PLIN4: variants seen among roughly 807,000 people sequenced by gnomAD.
PLIN4 encodes the protein perilipin 4, also known as perilipin-4.
In PLIN4, 57 loss-of-function variants were observed where a neutral mutation model predicts 52.4. The ratio of observed to expected loss-of-function variants is 1.09; its 90% confidence interval spans 0.88 to 1.36. The LOEUF is 1.36. Ranked by LOEUF, PLIN4 falls within the 40% of genes most tolerant of loss-of-function variation. The pLI, the probability that PLIN4 is intolerant of heterozygous loss-of-function variation, is 0.00. For missense variants in PLIN4, 1,757 were observed against 1,770.3 expected, an observed-to-expected ratio of 0.99 and a Z score of 0.13; for synonymous variants, 826 against 785.4, an observed-to-expected ratio of 1.05 and a Z score of -0.86.
Position 4,513,101 on chromosome 19 carries a change from G to A in PLIN4, c.859C>T (p.Gln287Ter). 12 of 689,448 alleles carry A rather than the reference G, an allele frequency of 1.7e-5. 1 individual carries two copies. The highest frequency in any genetic ancestry group is 3.1e-5 in the Non-Finnish European group (12 of 385,000). 42.7% of individuals were successfully genotyped at this position (689,448 alleles called of 1,614,324 possible). The change falls in exon 5 of 8, where the codon CAG (glutamine) becomes TAG (stop). Residue 287 changes from glutamine to a stop codon, truncating the protein, a stop_gained. Coordinates refer to ENST00000301286, the MANE Select transcript of PLIN4 (RefSeq NM_001367868.2). LOFTEE classifies it high-confidence loss of function. ...GAMNVAKGTI[Q>*]TGVDTSKTVL... ...GTCTTACTGGTGTCCACGCCGGTCT[G>A]GATGGTTCCTTTGGCCACATTCATG...
chr19:4,508,633 C>G, intron 6 of PLIN4, 135 bp downstream of exon 6: 1 of 1,033,604 alleles, frequency 9.7e-7, no homozygotes. Context: ...CCCATGAGTA[C>G]AGAGCCATGA....
rs200933783 is a variant in PLIN4, at chr19:4,504,959, G to A, written c.3703-12C>T. On this transcript the variant is annotated splice_polypyrimidine_tract_variant and intron_variant, in intron 6 of 7. Coordinates refer to ENST00000301286, the MANE Select transcript of PLIN4 (RefSeq NM_001367868.2). ...TGGGCCTTTTCAATCTGGAGAGAGA[G>A]TACAGTGGGGAAATGATGGCTTCTT... 6.3e-6 allele frequency: 10 copies of A among 1,593,098 alleles called. No individual in the cohort carries two copies. The East Asian group carries it at 2.0e-4, about 32-fold the overall frequency.
Position 4,510,781 on chromosome 19 carries a change from G to A in PLIN4, c.3179C>T (p.Pro1060Leu). The A allele has an allele frequency of 6.3e-7, 1 of 1,585,432 alleles. No individual in the cohort carries two copies. Residue 1060 changes from proline (P) to leucine (L), a missense_variant, in exon 5 of 8, where the codon CCC (proline) becomes CTC (leucine). Physicochemically the swap from Pro to Leu is moderately conservative, Grantham distance 98. Around this residue, in one of 7 missense-constraint regions of PLIN4, gnomAD observed 712 missense variants for 637.1 expected, o/e 1.12. Transcript: ENST00000301286. ...STFQNWLPST[P>L]ATSWGGLTSS... Reference sequence around the variant, plus strand: ...GGTGAGTCCACCCCAGGAGGTGGCGGGGGTACTAGGTAACCAGTTCTGGAA... The same window carrying A: ...GGTGAGTCCACCCCAGGAGGTGGCGAGGGTACTAGGTAACCAGTTCTGGAA...
chr19:4,517,754 G>C, intron 2 of PLIN4, 56 bp from the exon 3 acceptor site: 1 of 1,532,394 alleles, frequency 6.5e-7, no homozygotes, highest in Non-Finnish European at 8.8e-7. Flanking sequence ...GCAGGAACGG[G>C]TCAGAGGAAG....
At chr19:4,515,032 C>T (rs925226584) in intron 4 of PLIN4, among the ~76,000 whole-genome samples, 14 of 151,296 alleles carry the variant, frequency 9.3e-5, no homozygotes, top group Admixed American at 7.2e-4. Flanking sequence ...AAAAATTAGC[C>T]AGGCATGGTG....
chr19:4,513,425 C>A lies in PLIN4; in HGVS notation c.535G>T (p.Ala179Ser). The A allele has an allele frequency of 6.2e-7, 1 of 1,613,608 alleles. No homozygotes were observed. The highest frequency in any genetic ancestry group is 8.5e-7 in the Non-Finnish European group (1 of 1,179,888). Residue 179 changes from alanine (A) to serine (S), a missense_variant, in exon 5 of 8, where the codon GCA (alanine) becomes TCA (serine). Physicochemically the swap from Ala to Ser is moderately conservative, Grantham distance 99. Transcript: ENST00000301286. ...ACGGTCCCTTTGGCCACATTCACTGCCCCCGTGAGCCCAGTGGACACCGTG... is the reference window on the plus strand; with the variant it reads ...ACGGTCCCTTTGGCCACATTCACTGACCCCGTGAGCCCAGTGGACACCGTG... ...KDTVSTGLTG[A>S]VNVAKGTVQA...
chr19:4,502,881 T>G lies in PLIN4; in HGVS notation c.*1578A>C, dbSNP rs2145234375. 1 of 152,544 alleles carries G rather than the reference T, an allele frequency of 6.6e-6. No homozygotes were observed. The highest frequency in any genetic ancestry group is 1.9e-4 in the East Asian group (1 of 5,180). The allele number at this position is 152,544 out of a possible 1,614,324, so 9.4% of individuals were successfully genotyped here. On this transcript the variant is annotated 3_prime_UTR_variant, in exon 8 of 8. Transcript: ENST00000301286. ...GAGTTGCCTCCGTCCCAGTAAGAATTAGGCTGTGGTGTGGCGGGAAGGGAC... is the reference window on the plus strand; with the variant it reads ...GAGTTGCCTCCGTCCCAGTAAGAATGAGGCTGTGGTGTGGCGGGAAGGGAC...
At chr19:4,505,137 A>T (rs116341328) in intron 6 of PLIN4, among the ~76,000 whole-genome samples, 190 bp from the exon 7 acceptor site, 2,221 of 152,220 alleles carry the variant, frequency 0.015, 57 homozygotes, top group African/African-American at 0.051. Context: ...CTTCCCCATG[A>T]GGTCATCAGG....
chr19:4,508,630 G>A (rs1034322187), intron 6 of PLIN4, 138 bp downstream of exon 6: 63 of 1,013,904 alleles, frequency 6.2e-5, no homozygotes, highest in Admixed American at 2.0e-4. Context: ...AGCCCCATGA[G>A]TACAGAGCCA....
chr19:4,512,075 C>T lies in PLIN4; in HGVS notation c.1885G>A (p.Gly629Ser), dbSNP rs367749568. 7.6e-5 allele frequency: 123 copies of T among 1,611,080 alleles called. 1 individual carries two copies. Among genetic ancestry groups the T allele is most frequent in the Middle Eastern group, 1.6e-4 (1 of 6,066 alleles). The change falls in exon 5 of 8, where the codon GGT becomes AGT. Residue 629 changes from glycine (G) to serine (S), a missense_variant. Physicochemically the swap from Gly to Ser is moderately conservative, Grantham distance 56. This residue lies in a region of PLIN4 where 439 missense variants were observed against 406.4 expected (regional missense o/e 1.08). Coordinates refer to ENST00000301286, the MANE Select transcript of PLIN4 (RefSeq NM_001367868.2). Reference protein sequence around the residue: ...GMDTTKTVLTGTKDTIYSGVT... With the variant: ...GMDTTKTVLTSTKDTIYSGVT... ...CCACTGTAGATGGTGTCCTTGGTAC[C>T]GGTTAGGACAGTTTTGGTGGTGTCC...
chr19:4,504,899 C>A lies in PLIN4; in HGVS notation c.3751G>T (p.Gly1251Cys). 6.2e-7 allele frequency: 1 copy of A among 1,608,380 alleles called. No individual in the cohort carries two copies. Among genetic ancestry groups the A allele is most frequent in the Non-Finnish European group, 8.5e-7 (1 of 1,178,036 alleles). The change falls in exon 7 of 8, where the codon GGC becomes TGC. Residue 1251 changes from glycine to cysteine, a missense_variant. By Grantham distance (159) the Gly-to-Cys change is radical. This residue lies in a region of PLIN4 where 712 missense variants were observed against 637.1 expected (regional missense o/e 1.12). Coordinates refer to ENST00000301286, the MANE Select transcript of PLIN4 (RefSeq NM_001367868.2). ...APEGQPRLDQ[G>C]SGASAEDAAV... is the part of the protein sequence containing the mutation. The stretch of plus-strand genomic sequence containing the variant: ...GCGTCCTCCGCACTGGCACCTGAGC[C>A]CTGGTCCAGACGTGGCTGCCCTTCT...
Position 4,510,676 on chromosome 19 carries a change from G to T in PLIN4, c.3284C>A (p.Pro1095His), listed in dbSNP as rs540991033. The T allele has an allele frequency of 5.3e-6, 8 of 1,520,974 alleles. No individual in the cohort carries two copies. In the African/African-American group the frequency reaches 1.1e-4, roughly 21 times the overall value. 94.2% of individuals were successfully genotyped at this position (1,520,974 alleles called of 1,614,324 possible). Residue 1095 changes from proline to histidine, a missense_variant, in exon 5 of 8, where the codon CCC becomes CAC. Coordinates refer to ENST00000301286, the MANE Select transcript of PLIN4 (RefSeq NM_001367868.2). ...CGGGCCTACACTGAGCACATCCGGGGGCGTGGAGATGCCAGAGAACGGGGC... is the reference window on the plus strand; with the variant it reads ...CGGGCCTACACTGAGCACATCCGGGTGCGTGGAGATGCCAGAGAACGGGGC... ...QEAPFSGIST[P>H]PDVLSVGPEP...
In PLIN4 at chr19:4,511,078, T is replaced by C. The variant is rs1413079734; in HGVS notation, c.2882A>G (p.Lys961Arg). The change falls in exon 5 of 8, where the codon AAG becomes AGG. Residue 961 changes from lysine to arginine, a missense_variant. Physicochemically the swap from Lys to Arg is conservative, Grantham distance 26 (BLOSUM62 2). This residue lies in a region of PLIN4 where 712 missense variants were observed against 637.1 expected (regional missense o/e 1.12). Transcript: ENST00000301286. ...CGTGACTCCAGTAGTCACTGCATCC[T>C]TAGCGCCACTCAGCACCGTCTTGGC... The part of the protein sequence containing the change: ...DTAKTVLSGA[K>R]DAVTTGVTGA... 4 of 1,613,596 alleles carry C rather than the reference T, an allele frequency of 2.5e-6. No individual in the cohort carries two copies. The highest frequency in any genetic ancestry group is 3.4e-6 in the Non-Finnish European group (4 of 1,179,860).
chr19:4,508,719 T>G (rs1190433714), intron 6 of PLIN4, 49 bp downstream of exon 6: 1 of 1,519,284 alleles, frequency 6.6e-7, no homozygotes, highest in Admixed American at 2.1e-5. Context: ...TGGGCAGGGG[T>G]TCTAAGAAGT....
intron 6 of PLIN4, among the ~76,000 whole-genome samples, chr19:4,507,825 C>T (rs1299207357): frequency 1.3e-5 from 2 of 152,110 alleles, no homozygotes; most frequent in East Asian, 1.9e-4. Flanking sequence ...CTGCTCAGCT[C>T]CCTGCAGGGA....
In PLIN4 at chr19:4,508,754, G is replaced by T; in HGVS notation, c.3702+14C>A. 6.4e-7 allele frequency: 1 copy of T among 1,565,666 alleles called. No individual in the cohort carries two copies. The highest frequency in any genetic ancestry group is 1.2e-5 in the South Asian group (1 of 85,254). On this transcript the variant is annotated intron_variant, in intron 6 of 7. Transcript: ENST00000301286. Reference sequence around the variant, plus strand: ...TGCCCTGGGGACGGGGCAGCAGCAGGGGGAAGCTCTTACCAGCCTGAAGCA... The same window carrying T: ...TGCCCTGGGGACGGGGCAGCAGCAGTGGGAAGCTCTTACCAGCCTGAAGCA...
chr19:4,512,799 C>T lies in PLIN4; in HGVS notation c.1161G>A (p.Gly387=). 1 of 1,561,492 alleles carries T rather than the reference C, an allele frequency of 6.4e-7. No homozygotes were observed. Among genetic ancestry groups the T allele is most frequent in the South Asian group, 1.1e-5 (1 of 89,812 alleles). ...CCATAGACTTGGTGGTATCCAGGCCCCCCTGGATGGCCTCTTTGGCCAAGT... is the reference window on the plus strand; with the variant it reads ...CCATAGACTTGGTGGTATCCAGGCCTCCCTGGATGGCCTCTTTGGCCAAGT... ...AVNLAKEAIQ[G]GLDTTKSMVM... is the part of the protein sequence containing the mutation. Residue 387 remains glycine (G), a synonymous_variant, in exon 5 of 8, where the codon GGG becomes GGA. Coordinates refer to ENST00000301286, the MANE Select transcript of PLIN4 (RefSeq NM_001367868.2).
rs765556985 is a variant in PLIN4 at position 4,511,810 on chromosome 19, G to A, written c.2150C>T (p.Thr717Ile). The A allele has an allele frequency of 5.3e-5, 85 of 1,610,802 alleles. No homozygotes were observed. Among genetic ancestry groups the A allele is most frequent in the Non-Finnish European group, 7.1e-5 (83 of 1,177,164 alleles). The change falls in exon 5 of 8, where the codon ACC becomes ATC. Residue 717 changes from threonine to isoleucine, a missense_variant. Transcript: ENST00000301286. ...GACAGTCTTGGTGGTGTCCACACTG[G>A]TCTGGACAGTCCCTTTGGCGACATT... ...AVNVAKGTVQ[T>I]SVDTTKTVLT...
In PLIN4 at chr19:4,512,600, C is replaced by G; in HGVS notation, c.1360G>C (p.Gly454Arg). The G allele has an allele frequency of 6.2e-7, 1 of 1,609,852 alleles. No individual in the cohort carries two copies. The highest frequency in any genetic ancestry group is 1.1e-5 in the South Asian group (1 of 90,260). ...AGAACGATCTTGGTGGTGTCCACGC[C>G]TGTCTGGATGGTTCCTCTGGCCAAA... The part of the protein sequence containing the change: ...MNLARGTIQT[G>R]VDTTKIVLTG... Residue 454 changes from glycine to arginine, a missense_variant, in exon 5 of 8, where the codon GGC (glycine) becomes CGC (arginine). Physicochemically the swap from Gly to Arg is moderately radical, Grantham distance 125. Transcript: ENST00000301286.
Sources: allele counts gnomAD v4.1 joint callset (sites outside exome capture counted in the v4.1 genomes callset), GRCh38; gene constraint gnomAD v4.1.1; regional missense constraint gnomAD v4.1.1; transcripts MANE v1.5; gene names NCBI Gene and HGNC (gene_info 2026-07-23, HGNC 2026-07-21).